PGM1: variants seen among roughly 807,000 people sequenced by gnomAD.
PGM1 encodes the protein phosphoglucomutase 1.
A neutral mutation model predicts 55.6 loss-of-function variants in PGM1; 52 were observed. That is an observed-to-expected ratio of 0.94 (90% CI 0.75 to 1.18). PGM1 has a LOEUF of 1.18. PGM1 is among the 50% of genes most tolerant of loss of function. The probability of loss-of-function intolerance (pLI) is 0.00; values close to 1 mark genes in which losing one functional copy is unlikely to be tolerated. For missense variants in PGM1, 724 were observed against 729.3 expected, an observed-to-expected ratio of 0.99 and a Z score of 0.08; for synonymous variants, 287 against 271.7, an observed-to-expected ratio of 1.06 and a Z score of -0.55.
intron 1 of PGM1, among the ~76,000 whole-genome samples, chr1:63,618,836 G>T (rs1484328002): frequency 6.6e-6 from 1 of 152,138 alleles, no homozygotes; most frequent in Non-Finnish European, 1.5e-5. Context: ...CAGGTCTGAT[G>T]AATCTGCAAG....
chr1:63,595,988 C>T (rs1648053977), intron 1 of PGM1, among the ~76,000 whole-genome samples: 1 of 152,140 alleles, frequency 6.6e-6, no homozygotes, highest in Admixed American at 6.5e-5. Flanking sequence ...TGCTTCTGCC[C>T]CCTCCACTAC....
intron 1 of PGM1, among the ~76,000 whole-genome samples, chr1:63,613,759 A>G (rs890264393): frequency 6.8e-6 from 1 of 146,472 alleles, no homozygotes; most frequent in African/African-American, 2.6e-5. Context: ...CAACCATGAC[A>G]TCTATACTCT....
chr1:63,607,668 C>CT (rs1557704229), intron 1 of PGM1, among the ~76,000 whole-genome samples: 1 of 152,132 alleles, frequency 6.6e-6, no homozygotes, highest in Non-Finnish European at 1.5e-5. Context: ...AATCAGATTT[C>CT]TTTTTTTATA....
At chr1:63,657,220 A>T (rs1649992422) in intron 10 of PGM1, among the ~76,000 whole-genome samples, 2 of 152,178 alleles carry the variant, frequency 1.3e-5, no homozygotes, top group African/African-American at 4.8e-5. Context: ...TCATTTGGAA[A>T]CCCCTGGCAT....
chr1:63,636,449 T>C, intron 6 of PGM1, 61 bp downstream of exon 6: 1 of 1,497,596 alleles, frequency 6.7e-7, no homozygotes, highest in Non-Finnish European at 9.3e-7. Flanking sequence ...CACCATACCC[T>C]TCACTGTGCC....
intron 1 of PGM1, among the ~76,000 whole-genome samples, chr1:63,616,020 G>A (rs1489679044): frequency 6.6e-6 from 1 of 151,988 alleles, no homozygotes; most frequent in Non-Finnish European, 1.5e-5. Context: ...CACCACAAGA[G>A]GGCAACATAT....
At chr1:63,596,549 G>A (rs77133820) in intron 1 of PGM1, among the ~76,000 whole-genome samples, 6 of 152,044 alleles carry the variant, frequency 3.9e-5, no homozygotes, top group South Asian at 2.1e-4. Flanking sequence ...GAGCCACTGC[G>A]CCTGGCCTAT....
At chr1:63,601,439 T>C (rs1055391739) in intron 1 of PGM1, among the ~76,000 whole-genome samples, 3 of 152,214 alleles carry the variant, frequency 2.0e-5, no homozygotes, top group Admixed American at 1.3e-4. Flanking sequence ...TTGAGTGAGC[T>C]ACACTTCTAA....
At chr1:63,639,581 C>T (rs758180336) in intron 7 of PGM1, among the ~76,000 whole-genome samples, 7 of 152,000 alleles carry the variant, frequency 4.6e-5, no homozygotes, top group South Asian at 2.1e-4. Context: ...TATCAGTCTC[C>T]GGCCAGGTTA....
chr1:63,628,717 T>C (rs1165891931), intron 1 of PGM1, among the ~76,000 whole-genome samples: 1 of 152,044 alleles, frequency 6.6e-6, no homozygotes, highest in Admixed American at 6.6e-5. Flanking sequence ...CTGTAAGAGA[T>C]ATGGGAAGGT....
chr1:63,596,672 C>T (rs1166922136), intron 1 of PGM1, among the ~76,000 whole-genome samples: 2 of 152,168 alleles, frequency 1.3e-5, no homozygotes, highest in Non-Finnish European at 2.9e-5. Context: ...CAGATGGCAT[C>T]TTCAGAAACC....
intron 1 of PGM1, chr1:63,600,165 T>TAA: frequency 6.6e-6 from 1 of 152,214 alleles, no homozygotes; most frequent in Non-Finnish European, 1.5e-5. Context: ...AGGACTCTTT[T>TAA]TTAGAGCCGG....
chr1:63,651,845 G>T lies in PGM1; in HGVS notation c.1457G>T (p.Arg486Ile), dbSNP rs749913541. The T allele has an allele frequency of 6.2e-7, 1 of 1,613,854 alleles. No homozygotes were observed. Among genetic ancestry groups the T allele is most frequent in the Non-Finnish European group, 8.5e-7 (1 of 1,179,768 alleles). Reference protein sequence around the residue: ...YSDPVDGSISRNQGLRLIFTD... With the variant: ...YSDPVDGSISINQGLRLIFTD... ...GACCCAGTGGATGGAAGCATTTCAA[G>T]AAATCAGGTAGAAACAGACCGGTGT... Residue 486 changes from arginine (R) to isoleucine (I), a missense_variant, in exon 9 of 11, where the codon AGA becomes ATA. By Grantham distance (97) the Arg-to-Ile change is moderately conservative. Transcript: ENST00000371084.
chr1:63,629,327 A>AT (rs538181566), intron 1 of PGM1, 98 bp from the exon 2 acceptor site: 588 of 980,226 alleles, frequency 6.0e-4, no homozygotes, highest in Non-Finnish European at 8.9e-4. Flanking sequence ...TATTACTATT[A>AT]TTTTTTTGTC....
chr1:63,649,185 T>A (rs1426728575), intron 8 of PGM1, among the ~76,000 whole-genome samples: 1 of 152,246 alleles, frequency 6.6e-6, no homozygotes, highest in Admixed American at 6.5e-5. Flanking sequence ...CTTTTCTGCC[T>A]TGTGAAATAG....
chr1:63,595,675 A>G (rs1648043793), intron 1 of PGM1, among the ~76,000 whole-genome samples: 1 of 152,192 alleles, frequency 6.6e-6, no homozygotes, highest in African/African-American at 2.4e-5. Flanking sequence ...TCAGTCATTC[A>G]ACAGATCCTG....
intron 1 of PGM1, among the ~76,000 whole-genome samples, chr1:63,612,865 A>G (rs974645342): frequency 8.5e-5 from 13 of 152,084 alleles, no homozygotes; most frequent in Non-Finnish European, 1.6e-4. Context: ...GTAATTTTCT[A>G]TTTGAGGTTG....
intron 7 of PGM1, among the ~76,000 whole-genome samples, chr1:63,642,785 A>G (rs765365060): frequency 6.6e-6 from 1 of 152,250 alleles, no homozygotes; most frequent in Non-Finnish European, 1.5e-5. Flanking sequence ...GATAACTTAA[A>G]GAAATACAGC....
chr1:63,648,842 A>T (rs1199040038), intron 8 of PGM1, among the ~76,000 whole-genome samples, 190 bp downstream of exon 8: 3 of 152,236 alleles, frequency 2.0e-5, no homozygotes, highest in Non-Finnish European at 4.4e-5. Flanking sequence ...AGCCATAAAG[A>T]GTGAGGCTTT....
Sources: allele counts gnomAD v4.1 joint callset (sites outside exome capture counted in the v4.1 genomes callset), GRCh38; gene constraint gnomAD v4.1.1; transcripts MANE v1.5; gene names NCBI Gene and HGNC (gene_info 2026-07-23, HGNC 2026-07-21).